The following FAM171A1 variants were observed in gnomAD, a reference collection of about 807,000 sequenced individuals.
FAM171A1 encodes protein FAM171A1.
In FAM171A1, 23 loss-of-function variants were observed where a neutral mutation model predicts 74.9. The observed-to-expected ratio is 0.31, with a 90% CI of 0.22 to 0.44. The LOEUF is 0.44. Ranked by LOEUF, FAM171A1 falls within the 20% of genes least tolerant of loss-of-function variation. The pLI is 1.00. For missense variants in FAM171A1, 1,162 were observed against 1,159.2 expected, an observed-to-expected ratio of 1.00 and a Z score of -0.03; for synonymous variants, 527 against 505.7, an observed-to-expected ratio of 1.04 and a Z score of -0.57.
At chr10:15,363,829 C>T (rs987738832) in intron 1 of FAM171A1, among the ~76,000 whole-genome samples, 5 of 152,198 alleles carry the variant, frequency 3.3e-5, no homozygotes, top group African/African-American at 4.8e-5. Context: ...CAAGCAACTC[C>T]TCCCTCCCTC....
intron 1 of FAM171A1, among the ~76,000 whole-genome samples, chr10:15,288,458 T>A (rs1835064579): frequency 6.6e-6 from 1 of 152,316 alleles, no homozygotes; most frequent in South Asian, 2.1e-4. Flanking sequence ...AGTAGTATAC[T>A]AAATTATAAC....
At chr10:15,238,842 A>C (rs528882290) in intron 5 of FAM171A1, among the ~76,000 whole-genome samples, 5 of 152,358 alleles carry the variant, frequency 3.3e-5, no homozygotes, top group African/African-American at 1.2e-4. Flanking sequence ...GGATTCTACA[A>C]TGTAGCTTCA....
intron 5 of FAM171A1, among the ~76,000 whole-genome samples, chr10:15,229,675 C>T (rs989793927): frequency 7.1e-5 from 10 of 140,706 alleles, no homozygotes; most frequent in South Asian, 2.3e-4. Flanking sequence ...ACCCCCATCA[C>T]CATCATCACC....
chr10:15,358,695 T>C (rs1469396831), intron 1 of FAM171A1, among the ~76,000 whole-genome samples: 1 of 152,212 alleles, frequency 6.6e-6, no homozygotes, highest in Non-Finnish European at 1.5e-5. Flanking sequence ...CAGTATCAAG[T>C]ACCAAGCCTC....
chr10:15,224,491 T>G (rs1834079784), intron 5 of FAM171A1, among the ~76,000 whole-genome samples: 1 of 152,146 alleles, frequency 6.6e-6, no homozygotes, highest in Non-Finnish European at 1.5e-5. Flanking sequence ...TGATAGGGTT[T>G]GGCTATGTCC....
chr10:15,229,347 CGTTTG>C (rs1554832049), intron 5 of FAM171A1, among the ~76,000 whole-genome samples: 1 of 152,096 alleles, frequency 6.6e-6, no homozygotes, highest in Non-Finnish European at 1.5e-5. Flanking sequence ...AGCACTAGCT[CGTTTG>C]AGGAATAATC....
At chr10:15,322,324 C>T (rs1835496520) in intron 1 of FAM171A1, among the ~76,000 whole-genome samples, 1 of 152,144 alleles carries the variant, frequency 6.6e-6, no homozygotes, top group African/African-American at 2.4e-5. Flanking sequence ...GAATGCTTTC[C>T]AACACTCGAA....
At chr10:15,245,151 C>T (rs1203429913) in intron 5 of FAM171A1, among the ~76,000 whole-genome samples, 1 of 152,020 alleles carries the variant, frequency 6.6e-6, no homozygotes, top group Non-Finnish European at 1.5e-5. Context: ...CCTCAACCTC[C>T]ACATCCTGGG....
At chr10:15,254,988 G>C in intron 3 of FAM171A1, 109 bp from the exon 4 acceptor site, 1 of 964,978 alleles carries the variant, frequency 1.0e-6, no homozygotes, top group Middle Eastern at 3.0e-4. Flanking sequence ...CCCCCACCCT[G>C]CTCCCTCTCA....
intron 1 of FAM171A1, among the ~76,000 whole-genome samples, chr10:15,286,108 A>C (rs1835032406): frequency 6.6e-6 from 1 of 152,220 alleles, no homozygotes; most frequent in Non-Finnish European, 1.5e-5. Flanking sequence ...CTGGTGCAGT[A>C]AGCACCGACA....
chr10:15,291,606 G>A (rs919280477), intron 1 of FAM171A1, among the ~76,000 whole-genome samples: 14 of 152,176 alleles, frequency 9.2e-5, no homozygotes, highest in Admixed American at 7.2e-4. Flanking sequence ...CTACCTGAGC[G>A]TGACTCTGAA....
chr10:15,333,043 A>G, intron 1 of FAM171A1, among the ~76,000 whole-genome samples: 1 of 152,152 alleles, frequency 6.6e-6, no homozygotes, highest in East Asian at 1.9e-4. Context: ...ACCCCATGAG[A>G]CAGGAGGAAT....
intron 5 of FAM171A1, among the ~76,000 whole-genome samples, chr10:15,237,972 G>C (rs1427924775): frequency 6.6e-6 from 1 of 152,126 alleles, no homozygotes; most frequent in African/African-American, 2.4e-5. Context: ...TATTACCTTA[G>C]GTAAGTTGAA....
chr10:15,327,234 T>C (rs1288267321), intron 1 of FAM171A1, among the ~76,000 whole-genome samples: 3 of 152,148 alleles, frequency 2.0e-5, no homozygotes, highest in Non-Finnish European at 4.4e-5. Flanking sequence ...GCAAGCTGCC[T>C]ACCCCCTAGG....
intron 1 of FAM171A1, among the ~76,000 whole-genome samples, chr10:15,296,221 A>C (rs906726736): frequency 7.2e-5 from 11 of 152,196 alleles, no homozygotes; most frequent in Non-Finnish European, 1.5e-4. Flanking sequence ...CACATAGTGC[A>C]CATGCACCTT....
chr10:15,310,224 T>A (rs899132891), intron 1 of FAM171A1, among the ~76,000 whole-genome samples: 2 of 152,086 alleles, frequency 1.3e-5, no homozygotes, highest in Admixed American at 6.5e-5. Context: ...GAACGAAAAA[T>A]TTTTTAAAAT....
intron 1 of FAM171A1, among the ~76,000 whole-genome samples, chr10:15,339,596 T>C (rs1457842184): frequency 1.3e-5 from 2 of 152,204 alleles, no homozygotes; most frequent in Admixed American, 1.3e-4. Flanking sequence ...AGGGTCCTAC[T>C]ATCCACAGTA....
upstream of FAM171A1, among the ~76,000 whole-genome samples, chr10:15,371,454 C>T (rs1354762855): frequency 6.6e-6 from 1 of 151,296 alleles, no homozygotes; most frequent in Non-Finnish European, 1.5e-5. Context: ...GCCCCATCCC[C>T]GCAGCCCCGC....
intron 1 of FAM171A1, among the ~76,000 whole-genome samples, chr10:15,293,506 T>C (rs1026302156): frequency 6.7e-6 from 1 of 150,348 alleles, no homozygotes; most frequent in Non-Finnish European, 1.5e-5. Flanking sequence ...GACCAACAAA[T>C]GTGCCAGAAA....
Sources: allele counts gnomAD v4.1 joint callset (sites outside exome capture counted in the v4.1 genomes callset), GRCh38; gene constraint gnomAD v4.1.1; transcripts MANE v1.5; gene names NCBI Gene and HGNC (gene_info 2026-07-23, HGNC 2026-07-21).